The following GNAI1 variants were observed in gnomAD, a reference collection of about 807,000 sequenced individuals.
The protein encoded by GNAI1 is guanine nucleotide-binding protein G(i) subunit alpha-1.
Under a neutral mutation model 38.9 loss-of-function variants are expected in GNAI1, and 11 were observed. The observed-to-expected ratio is 0.28, with a 90% CI of 0.18 to 0.47. The LOEUF is 0.47. Among genes scored for constraint, GNAI1 ranks in the 20% least tolerant of loss-of-function variants. GNAI1 has a pLI of 0.99. For missense variants in GNAI1, 317 were observed against 436.9 expected (o/e 0.73, Z 2.45); for synonymous variants, 166 against 145.1 (o/e 1.14, Z -1.04).
At chr7:80,198,683 T>G (rs1388471740) in intron 3 of GNAI1, among the ~76,000 whole-genome samples, 2 of 152,136 alleles carry the variant, frequency 1.3e-5, no homozygotes, top group Non-Finnish European at 2.9e-5. Context: ...CTCCTGAAAA[T>G]CTCAGACCAT....
At chr7:80,193,863 G>A (rs185771216) in intron 3 of GNAI1, among the ~76,000 whole-genome samples, 5 of 152,102 alleles carry the variant, frequency 3.3e-5, no homozygotes, top group South Asian at 2.1e-4. Flanking sequence ...ACACAACACC[G>A]GTTCTTCATC....
chr7:80,150,035 A>G (rs182118412), intron 1 of GNAI1, among the ~76,000 whole-genome samples: 1 of 152,336 alleles, frequency 6.6e-6, no homozygotes, highest in Admixed American at 6.5e-5. Flanking sequence ...ATGAGATGCC[A>G]TCAGAACCGG....
chr7:80,213,870 T>A (rs1788915695), intron 7 of GNAI1, among the ~76,000 whole-genome samples: 1 of 152,108 alleles, frequency 6.6e-6, no homozygotes, highest in African/African-American at 2.4e-5. Context: ...CTCAAGAATT[T>A]GTTTTTTTAT....
intron 5 of GNAI1, among the ~76,000 whole-genome samples, chr7:80,209,045 C>G (rs111273433): frequency 1.3e-5 from 2 of 152,316 alleles, no homozygotes; most frequent in African/African-American, 4.8e-5. Flanking sequence ...ATTTCCATCT[C>G]AGCTCTTAGC....
chr7:80,217,244 T>TTTCATATGTATGAAACTCA, intron 7 of GNAI1, 59 bp from the exon 8 acceptor site: 1 of 1,093,800 alleles, frequency 9.1e-7, no homozygotes, highest in African/African-American at 1.6e-5. Flanking sequence ...CTGAATTCAG[T>TTTCATATGTATGAAACTCA]ATTTTAAGCA....
intron 1 of GNAI1, among the ~76,000 whole-genome samples, chr7:80,188,517 C>T (rs1303338683): frequency 1.3e-5 from 2 of 151,882 alleles, no homozygotes; most frequent in Non-Finnish European, 2.9e-5. Context: ...GTTTAGAAAC[C>T]GATGAAGCTC....
At chr7:80,211,441 C>T (rs867665338) in intron 6 of GNAI1, among the ~76,000 whole-genome samples, 5 of 139,486 alleles carry the variant, frequency 3.6e-5, no homozygotes, top group Admixed American at 7.6e-5. Flanking sequence ...TTTTTTGAGA[C>T]GGAGTCTCGC....
intron 7 of GNAI1, among the ~76,000 whole-genome samples, chr7:80,216,300 C>T (rs1788967132): frequency 1.3e-5 from 2 of 152,018 alleles, no homozygotes; most frequent in Admixed American, 1.3e-4. Flanking sequence ...TGCTTCCTCT[C>T]AGTCTTAACC....
At chr7:80,167,400 G>A (rs1788029782) in intron 1 of GNAI1, among the ~76,000 whole-genome samples, 1 of 152,172 alleles carries the variant, frequency 6.6e-6, no homozygotes, top group African/African-American at 2.4e-5. Context: ...CAGAAGTCTG[G>A]CAAAGGAAAA....
intron 7 of GNAI1, among the ~76,000 whole-genome samples, chr7:80,213,541 A>T (rs1441860841): frequency 1.3e-5 from 2 of 152,150 alleles, no homozygotes; most frequent in Non-Finnish European, 1.5e-5. Flanking sequence ...GAGTTGGGCT[A>T]AAACATTAGT....
At chr7:80,195,903 C>G (rs991117317) in intron 3 of GNAI1, among the ~76,000 whole-genome samples, 6 of 151,898 alleles carry the variant, frequency 4.0e-5, no homozygotes, top group African/African-American at 1.4e-4. Context: ...TAAGAATGCT[C>G]CTTTTTCTGC....
chr7:80,171,422 C>T (rs985077563), intron 1 of GNAI1, among the ~76,000 whole-genome samples: 7 of 152,032 alleles, frequency 4.6e-5, no homozygotes, highest in African/African-American at 7.2e-5. Context: ...AGACAGCTGA[C>T]GAAGAAAAAT....
chr7:80,137,293 CTTT>C (rs377362596), intron 1 of GNAI1, among the ~76,000 whole-genome samples: 2 of 95,262 alleles, frequency 2.1e-5, no homozygotes, highest in South Asian at 3.8e-4. Flanking sequence ...TTTCTTTTTT[CTTT>C]TTTTTTTTTT....
intron 3 of GNAI1, among the ~76,000 whole-genome samples, chr7:80,192,048 T>TA (rs939694311): frequency 6.6e-5 from 10 of 152,216 alleles, no homozygotes; most frequent in African/African-American, 2.4e-4. Flanking sequence ...TTCAATTACT[T>TA]ACCTTTTCAC....
At chr7:80,149,713 A>AT (rs780148567) in intron 1 of GNAI1, among the ~76,000 whole-genome samples, 3 of 151,982 alleles carry the variant, frequency 2.0e-5, no homozygotes, top group Admixed American at 1.3e-4. Context: ...TGATTTTGTT[A>AT]TTTTTTCACC....
chr7:80,177,655 T>G (rs1462690038), intron 1 of GNAI1, among the ~76,000 whole-genome samples: 2 of 152,130 alleles, frequency 1.3e-5, no homozygotes, highest in Non-Finnish European at 2.9e-5. Context: ...TATTCTTATT[T>G]TTTGTAGAGT....
At chr7:80,185,769 C>T (rs996609483) in intron 1 of GNAI1, among the ~76,000 whole-genome samples, 4 of 152,140 alleles carry the variant, frequency 2.6e-5, no homozygotes, top group Non-Finnish European at 5.9e-5. Flanking sequence ...TAGAGAACAA[C>T]TATTTACTCT....
At chr7:80,169,656 A>G (rs879498762) in intron 1 of GNAI1, among the ~76,000 whole-genome samples, 1 of 152,170 alleles carries the variant, frequency 6.6e-6, no homozygotes, top group African/African-American at 2.4e-5. Flanking sequence ...TTGATTACCA[A>G]ATTTTATTAA....
At chr7:80,185,255 AC>A (rs140101738) in intron 1 of GNAI1, among the ~76,000 whole-genome samples, 9,614 of 152,114 alleles carry the variant, frequency 0.063, 1,003 homozygotes, top group African/African-American at 0.22. Context: ...CTGTGCTTTG[AC>A]CCACTTCCTT....
Sources: allele counts gnomAD v4.1 joint callset (sites outside exome capture counted in the v4.1 genomes callset), GRCh38; gene constraint gnomAD v4.1.1; transcripts MANE v1.5; gene names NCBI Gene and HGNC (gene_info 2026-07-23, HGNC 2026-07-21).